ICE1: variants seen among roughly 807,000 people sequenced by gnomAD.
ICE1 encodes the protein interactor of little elongation complex ELL subunit 1.
A neutral mutation model predicts 192.7 loss-of-function variants in ICE1; 64 were observed. The ratio of observed to expected loss-of-function variants is 0.33; its 90% CI spans 0.27 to 0.41. The LOEUF (loss-of-function observed/expected upper bound fraction) is 0.41. Among genes scored for constraint, ICE1 ranks in the 10% least tolerant of loss-of-function variants. The probability of loss-of-function intolerance (pLI) is 1.00; values close to 1 mark genes in which losing one functional copy is unlikely to be tolerated. For synonymous variants in ICE1, 1,010 were observed against 984.5 expected (o/e 1.03, Z -0.49); for missense variants, 2,708 against 2,696.0 (o/e 1.00, Z -0.10).
chr5:5,478,630 CA>C, intron 17 of ICE1, among the ~76,000 whole-genome samples: 1 of 152,166 alleles, frequency 6.6e-6, no homozygotes. Context: ...CCAAAAAACC[CA>C]TATAGCCAAC....
At chr5:5,450,244 A>G (rs929327834) in intron 10 of ICE1, among the ~76,000 whole-genome samples, 9 of 152,216 alleles carry the variant, frequency 5.9e-5, no homozygotes, top group Non-Finnish European at 1.2e-4. Context: ...ATGAAATTGA[A>G]CCAGATAGGG....
intron 1 of ICE1, among the ~76,000 whole-genome samples, chr5:5,430,734 C>G (rs555412544): frequency 6.6e-6 from 1 of 152,276 alleles, no homozygotes; most frequent in African/African-American, 2.4e-5. Context: ...TCTTCTTTCT[C>G]CATTTGTTCA....
rs547224042 is a variant in ICE1, at chr5:5,462,493, T to A, written c.3159T>A (p.Ser1053=). 15 of 1,614,044 alleles carry A rather than the reference T, an allele frequency of 9.3e-6. No individual in the cohort carries two copies. In the South Asian group the frequency reaches 1.6e-4, roughly 18 times the overall value. ...CTAATGGACTTTGGAAATTGAAATC[T>A]ACAACTCCCGGTGGTGCTTTGCCTG... The part of the protein sequence containing the change: ...QNANGLWKLK[S]TTPGGALPEC... The change falls in exon 13 of 19, where the codon TCT becomes TCA. Residue 1053 remains serine (S), a synonymous_variant. Transcript: ENST00000296564.
chr5:5,469,526 C>CT (rs1739095285), intron 15 of ICE1, among the ~76,000 whole-genome samples: 1 of 151,832 alleles, frequency 6.6e-6, no homozygotes, highest in South Asian at 2.1e-4. Context: ...TTCATTTTAC[C>CT]TAATGAGAGT....
At chr5:5,467,722 A>T (rs1447665189) in intron 14 of ICE1, among the ~76,000 whole-genome samples, 1 of 152,264 alleles carries the variant, frequency 6.6e-6, no homozygotes, top group Non-Finnish European at 1.5e-5. Flanking sequence ...AGTTTAGTGC[A>T]GTGAGTTTAT....
intron 17 of ICE1, among the ~76,000 whole-genome samples, chr5:5,484,522 G>A (rs1262248148): frequency 6.6e-6 from 1 of 152,206 alleles, no homozygotes; most frequent in Non-Finnish European, 1.5e-5. Context: ...TCAGTGACCT[G>A]AAATTTCTGA....
intron 1 of ICE1, among the ~76,000 whole-genome samples, chr5:5,430,091 G>A (rs1172664917): frequency 6.6e-6 from 1 of 152,178 alleles, no homozygotes; most frequent in Admixed American, 6.5e-5. Context: ...GATAATCGAG[G>A]AAACAACCCT....
Position 5,464,672 on chromosome 5 carries a change from C to T in ICE1, c.5338C>T (p.Pro1780Ser). The part of the protein sequence containing the change: ...KGNIQLTRGP[P>S]ADCKNLPGPA... ...GAATATTCAACTCACACGAGGTCCG[C>T]CTGCTGACTGTAAGAATTTACCGGG... The change falls in exon 13 of 19, where the codon CCT becomes TCT. Residue 1780 changes from proline to serine, a missense_variant. Pro to Ser is a moderately conservative substitution (Grantham distance 74). This residue lies in a region of ICE1 where 2,366 missense variants were observed against 2,276.6 expected (regional missense o/e 1.04). Transcript: ENST00000296564. This position sits in a 1 kb window ranked among gnomAD's most constrained non-coding sequence, Gnocchi z 4.0. 6.2e-7 allele frequency: 1 copy of T among 1,613,896 alleles called. No homozygotes were observed. The highest frequency in any genetic ancestry group is 8.5e-7 in the Non-Finnish European group (1 of 1,179,872).
At chr5:5,442,735 G>A (rs1438300296) in intron 5 of ICE1, among the ~76,000 whole-genome samples, 2 of 152,152 alleles carry the variant, frequency 1.3e-5, no homozygotes, top group African/African-American at 4.8e-5. Flanking sequence ...TTTTATAGTA[G>A]CTGCTAGGGT....
At position 5,468,939 on chromosome 5, in the gene ICE1, C is replaced by A. The variant is rs1739074010; in HGVS notation, c.6173C>A (p.Ala2058Asp). 1 of 1,605,576 alleles carries A rather than the reference C, an allele frequency of 6.2e-7. No homozygotes were observed. Among genetic ancestry groups the A allele is most frequent in the Non-Finnish European group, 8.5e-7 (1 of 1,176,682 alleles). ...ATGCAGTTAGTTGCCAGGCAACGTG[C>A]TAAAGGAGAGGTTCTGAACTGCTTG... ...KAMQLVARQR[A>D]KGEVLNCLRA... The change falls in exon 15 of 19, where the codon GCT (alanine) becomes GAT (aspartate). Residue 2058 changes from alanine to aspartate, a missense_variant. Around this residue, in one of 2 missense-constraint regions of ICE1, gnomAD observed 342 missense variants for 419.3 expected, o/e 0.82. Coordinates refer to ENST00000296564, the MANE Select transcript of ICE1 (RefSeq NM_015325.3).
chr5:5,469,318 G>A (rs1307840939), intron 15 of ICE1, among the ~76,000 whole-genome samples: 2 of 152,044 alleles, frequency 1.3e-5, no homozygotes, highest in Non-Finnish European at 2.9e-5. Flanking sequence ...TAGATACTTA[G>A]GTAAAAATAT....
In ICE1 at chr5:5,422,752, C is replaced by G. The variant is rs762219311; in HGVS notation, c.-164C>G. 5.9e-5 allele frequency: 23 copies of G among 390,030 alleles called. No individual in the cohort carries two copies. The highest frequency in any genetic ancestry group is 9.7e-5 in the Non-Finnish European group (22 of 227,248). 24.2% of individuals were successfully genotyped at this position (390,030 alleles called of 1,614,324 possible). ...CTGAGGCAGCTCTGGCTCGGAGAGC[C>G]TTTTGCTAGCCCCACGGGGACCTCT... On this transcript the variant is annotated 5_prime_UTR_variant, in exon 1 of 19. Transcript: ENST00000296564.
chr5:5,462,659 G>A lies in ICE1; in HGVS notation c.3325G>A (p.Val1109Ile). 3.1e-6 allele frequency: 5 copies of A among 1,613,962 alleles called. No homozygotes were observed. Among genetic ancestry groups the A allele is most frequent in the South Asian group, 1.1e-5 (1 of 91,076 alleles). ...TCGAGAGGGGGGAGACGACACTGAG[G>A]TAGAGAGTGAGGCATTTAGCTGCAG... ...GIREGGDDTE[V>I]ESEAFSCSEG... Residue 1109 changes from valine (V) to isoleucine (I), a missense_variant, in exon 13 of 19, where the codon GTA (valine) becomes ATA (isoleucine). Physicochemically the swap from Val to Ile is conservative, Grantham distance 29. Coordinates refer to ENST00000296564, the MANE Select transcript of ICE1 (RefSeq NM_015325.3).
chr5:5,427,515 A>G (rs552593867), intron 1 of ICE1, among the ~76,000 whole-genome samples: 17 of 152,138 alleles, frequency 1.1e-4, no homozygotes, highest in Non-Finnish European at 1.6e-4. Flanking sequence ...ACACATGATT[A>G]TATTGTTCAT....
chr5:5,439,633 G>T (rs547069172), intron 3 of ICE1, among the ~76,000 whole-genome samples: 1 of 152,186 alleles, frequency 6.6e-6, no homozygotes, highest in South Asian at 2.1e-4. Context: ...TTTTAATTCT[G>T]ATCATACATT....
chr5:5,452,965 G>C (rs1435617344), intron 10 of ICE1, among the ~76,000 whole-genome samples: 1 of 152,124 alleles, frequency 6.6e-6, no homozygotes, highest in Non-Finnish European at 1.5e-5. Context: ...TAACGCTGAA[G>C]ATGTTTTTCT....
intron 7 of ICE1, among the ~76,000 whole-genome samples, 165 bp from the exon 8 acceptor site, chr5:5,447,262 C>G (rs1028929190): frequency 1.3e-5 from 2 of 152,064 alleles, no homozygotes; most frequent in African/African-American, 4.8e-5. Context: ...GCATTCAGCC[C>G]TGACGATAAA....
chr5:5,461,856 A>T lies in ICE1; in HGVS notation c.2522A>T (p.Asn841Ile). The T allele has an allele frequency of 6.2e-7, 1 of 1,613,998 alleles. No individual in the cohort carries two copies. Among genetic ancestry groups the T allele is most frequent in the South Asian group, 1.1e-5 (1 of 91,082 alleles). Residue 841 changes from asparagine (N) to isoleucine (I), a missense_variant, in exon 13 of 19, where the codon AAT becomes ATT. Coordinates refer to ENST00000296564, the MANE Select transcript of ICE1 (RefSeq NM_015325.3). ...CCCAAGCCTGATCTTCTTAGAGAAA[A>T]TAACAATCCTGTAGAATTCAAGACC... Reference protein sequence around the residue: ...PTPKPDLLRENNNPVEFKTTA... With the variant: ...PTPKPDLLREINNPVEFKTTA...
Position 5,461,374 on chromosome 5 carries a change from A to G in ICE1, c.2040A>G (p.Leu680=), listed in dbSNP as rs1286423018. 7 of 1,613,854 alleles carry G rather than the reference A, an allele frequency of 4.3e-6. No individual in the cohort carries two copies. The highest frequency in any genetic ancestry group is 1.3e-5 in the African/African-American group (1 of 74,954). ...AACATAAATTGCAAACTAAAACTTT[A>G]AACACATTACATCTGCAGTCTGAGC... ...HSEHKLQTKT[L]NTLHLQSEPP... is the part of the protein sequence containing the mutation. Residue 680 remains leucine, a synonymous_variant, in exon 13 of 19, where the codon TTA becomes TTG. Coordinates refer to ENST00000296564, the MANE Select transcript of ICE1 (RefSeq NM_015325.3).
Sources: gnomAD v4.1 joint callset for allele counts (sites outside exome capture counted in the v4.1 genomes callset) on GRCh38, gnomAD v4.1.1 for gene constraint, gnomAD v4.1.1 regional missense constraint, Gnocchi (gnomAD v3.1) non-coding constraint, MANE v1.5 for transcripts, NCBI Gene and HGNC (gene_info 2026-07-23, HGNC 2026-07-21) for gene names.